AMZ1: variants seen among roughly 807,000 people sequenced by gnomAD.
AMZ1 encodes the protein archaemetzincin-1.
Under a neutral mutation model 29.9 loss-of-function variants are expected in AMZ1, and 39 were observed. The observed-to-expected ratio is 1.30, with a 90% CI of 1.01 to 1.70. The LOEUF (loss-of-function observed/expected upper bound fraction) is 1.70. AMZ1 is among the 40% of genes most tolerant of loss of function. AMZ1 has a pLI of 0.00. For synonymous variants in AMZ1, 458 were observed against 304.0 expected, an observed-to-expected ratio of 1.51 and a Z score of -5.27; for missense variants, 1,041 against 680.6, an observed-to-expected ratio of 1.53 and a Z score of -5.89.
chr7:2,696,519 A>G (rs1787755571), intron 1 of AMZ1, among the ~76,000 whole-genome samples: 1 of 151,072 alleles, frequency 6.6e-6, no homozygotes, highest in South Asian at 2.1e-4. Context: ...GGCCTCCCAA[A>G]GTGCTGTGAT....
At chr7:2,742,086 A>G (rs1032104038) in intron 4 of AMZ1, among the ~76,000 whole-genome samples, 1 of 151,682 alleles carries the variant, frequency 6.6e-6, no homozygotes, top group African/African-American at 2.4e-5. Context: ...CAGTGGGGCG[A>G]TCTCAGCTCA....
At chr7:2,684,737 G>A (rs536169636), upstream of AMZ1, among the ~76,000 whole-genome samples, 133 of 152,290 alleles carry the variant, frequency 8.7e-4, no homozygotes, top group African/African-American at 3.1e-3. Context: ...CTGTGTTTCG[G>A]GGGTCCTGGC....
intron 4 of AMZ1, among the ~76,000 whole-genome samples, chr7:2,725,553 G>C (rs565874147): frequency 1.3e-5 from 2 of 152,364 alleles, no homozygotes; most frequent in African/African-American, 4.8e-5. Flanking sequence ...AGAAGCCATA[G>C]GGCAGGTCTC....
intron 1 of AMZ1, among the ~76,000 whole-genome samples, chr7:2,691,131 CAAAAAA>C (rs35603123): frequency 7.3e-5 from 5 of 68,744 alleles, no homozygotes; most frequent in African/African-American, 1.5e-4. Flanking sequence ...GTGACAGAGG[CAAAAAA>C]AAAAAAAAAA....
intron 4 of AMZ1, among the ~76,000 whole-genome samples, chr7:2,735,575 A>G (rs1790128368): frequency 2.0e-5 from 3 of 152,142 alleles, no homozygotes; most frequent in Admixed American, 2.0e-4. Flanking sequence ...TGTGAGTCTA[A>G]ACACCCCTCG....
intron 4 of AMZ1, among the ~76,000 whole-genome samples, chr7:2,754,647 G>A (rs1254636351): frequency 2.0e-5 from 3 of 152,022 alleles, no homozygotes; most frequent in Non-Finnish European, 4.4e-5. Context: ...ATTAGGGGAG[G>A]CTGGGACAAG....
rs2115223942 is a variant in AMZ1 at position 2,717,395 on chromosome 7, AGT to A, written c.*4519_*4520del. ...AAGCTGGCTTTGCAGCTCCAGTAAG[AGT>A]GAGAGACTCACGGGGGCCTGGCTGC... On this transcript the variant is annotated 3_prime_UTR_variant, in exon 7 of 7. Transcript: ENST00000683327. Among the ~76,000 whole-genome samples the A allele has an allele frequency of 6.6e-6, 1 of 152,304 alleles. No homozygotes were observed. Among genetic ancestry groups the A allele is most frequent in the South Asian group, 2.1e-4 (1 of 4,832 alleles).
chr7:2,684,164 C>G (rs961653592), upstream of AMZ1, among the ~76,000 whole-genome samples: 1 of 151,500 alleles, frequency 6.6e-6, no homozygotes. Context: ...GGTGACAGAG[C>G]GAGACTCCAT....
chr7:2,699,540 C>CG (rs1787930524), intron 1 of AMZ1, among the ~76,000 whole-genome samples: 1 of 151,906 alleles, frequency 6.6e-6, no homozygotes, highest in Admixed American at 6.5e-5. Context: ...CGCCCCCCCC[C>CG]AAACATATGC....
chr7:2,716,125 G>A lies in AMZ1; in HGVS notation c.*3247G>A, dbSNP rs1387512376. On this transcript the variant is annotated 3_prime_UTR_variant, in exon 7 of 7. Coordinates refer to ENST00000683327, the MANE Select transcript of AMZ1 (RefSeq NM_001384743.1). Reference sequence around the variant, plus strand: ...AGATGTTATCTGTATTGCTGTGTGTGCGATGAGTCTGGGGAAGCTAACACA... The same window carrying A: ...AGATGTTATCTGTATTGCTGTGTGTACGATGAGTCTGGGGAAGCTAACACA... The A allele has an allele frequency of 1.3e-5, 2 of 152,232 alleles. No individual in the cohort carries two copies. The highest frequency in any genetic ancestry group is 4.8e-5 in the African/African-American group (2 of 41,442). The allele number at this position is 152,232 out of a possible 1,614,324, so 9.4% of individuals were successfully genotyped here. A position where few individuals can be genotyped will look rare whatever the true frequency, so the allele number is the denominator to read the frequency against.
At chr7:2,747,032 T>G (rs1195016242) in intron 4 of AMZ1, among the ~76,000 whole-genome samples, 2 of 152,084 alleles carry the variant, frequency 1.3e-5, no homozygotes, top group African/African-American at 4.8e-5. Context: ...AATCAATAGC[T>G]TACCAACCAA....
rs575161199 is a variant in AMZ1 at position 2,716,761 on chromosome 7, C to T, written c.*3883C>T. ...TCCCTAGTGGGTCAGTCAACTCCACCGCTTAAGGGGTCCTTCCTATGTAAC... is the reference window on the plus strand; with the variant it reads ...TCCCTAGTGGGTCAGTCAACTCCACTGCTTAAGGGGTCCTTCCTATGTAAC... On this transcript the variant is annotated 3_prime_UTR_variant, in exon 7 of 7. Transcript: ENST00000683327. Among the ~76,000 whole-genome samples the T allele has an allele frequency of 2.6e-4, 40 of 152,300 alleles. No individual in the cohort carries two copies. The highest frequency in any genetic ancestry group is 1.2e-3 in the East Asian group (6 of 5,168).
At chr7:2,699,070 A>C (rs1368049098) in intron 1 of AMZ1, among the ~76,000 whole-genome samples, 1 of 152,068 alleles carries the variant, frequency 6.6e-6, no homozygotes, top group East Asian at 1.9e-4. Flanking sequence ...TTATTTGTGC[A>C]TCCCCCTTCT....
Position 2,696,401 on chromosome 7 carries a change from C to T in AMZ1, c.-218-3833C>T, listed in dbSNP as rs573616241. On this transcript the variant is annotated intron_variant, in intron 1 of 6. Transcript: ENST00000683327. ...CCTCCCAAGTAGCTGGGACTACAGGCGCCCGCCACCACGCCTGGCTAATTT... is the reference window on the plus strand; with the variant it reads ...CCTCCCAAGTAGCTGGGACTACAGGTGCCCGCCACCACGCCTGGCTAATTT... Among the ~76,000 whole-genome samples the T allele has an allele frequency of 2.6e-3, 390 of 151,080 alleles. 4 individuals carry two copies. The highest frequency in any genetic ancestry group is 8.7e-3 in the African/African-American group (358 of 41,290).
intron 6 of AMZ1, among the ~76,000 whole-genome samples, chr7:2,710,022 G>C (rs889789919): frequency 6.6e-6 from 1 of 152,240 alleles, no homozygotes; most frequent in Non-Finnish European, 1.5e-5. Context: ...GCCAGGGCCC[G>C]CGTGTGGTGG....
chr7:2,736,170 A>G (rs1790163818), intron 4 of AMZ1, among the ~76,000 whole-genome samples: 1 of 152,232 alleles, frequency 6.6e-6, no homozygotes, highest in African/African-American at 2.4e-5. Context: ...TGCATGTGGC[A>G]GAAACTGAGA....
chr7:2,751,228 A>C (rs564047155), intron 4 of AMZ1, among the ~76,000 whole-genome samples: 5 of 151,846 alleles, frequency 3.3e-5, no homozygotes, highest in East Asian at 1.9e-4. Context: ...CTCAAAAAAA[A>C]CCCCAAAGTT....
At chr7:2,704,612 TTTA>T (rs1239452536) in intron 3 of AMZ1, among the ~76,000 whole-genome samples, 11 of 136,846 alleles carry the variant, frequency 8.0e-5, no homozygotes, top group African/African-American at 2.3e-4. Context: ...TTTTTTTTTT[TTTA>T]AGACGGAGTC....
intron 4 of AMZ1, among the ~76,000 whole-genome samples, chr7:2,750,099 T>C (rs1169843968): frequency 1.3e-5 from 2 of 152,220 alleles, no homozygotes; most frequent in Non-Finnish European, 2.9e-5. Context: ...AAGGATGCTA[T>C]ACCACACACT....
Sources: allele counts gnomAD v4.1 joint callset (sites outside exome capture counted in the v4.1 genomes callset), GRCh38; gene constraint gnomAD v4.1.1; transcripts MANE v1.5; gene names NCBI Gene and HGNC (gene_info 2026-07-23, HGNC 2026-07-21).